ZNF521: variants seen among roughly 807,000 people sequenced by gnomAD.
The protein encoded by ZNF521 is zinc finger protein 521, also known as LYST-interacting protein 3.
ZNF521 carries 14 observed loss-of-function variants against 105.5 expected under a neutral mutation model. That is an observed-to-expected ratio of 0.13 (90% confidence interval 0.09 to 0.21). The LOEUF (loss-of-function observed/expected upper bound fraction) is 0.21, where lower values mean the gene tolerates loss of function less well. Among genes scored for constraint, ZNF521 ranks in the 10% least tolerant of loss-of-function variants. ZNF521 has a pLI of 1.00. For missense variants in ZNF521, 1,233 were observed against 1,629.7 expected (o/e 0.76, Z 4.19); for synonymous variants, 635 against 606.0 (o/e 1.05, Z -0.70).
At position 25,079,396 on chromosome 18, in the gene ZNF521, C is replaced by A. The variant is rs550906389; in HGVS notation, c.3906+10069G>T. On this transcript the variant is annotated intron_variant, in intron 7 of 7. Coordinates refer to ENST00000361524, the MANE Select transcript of ZNF521 (RefSeq NM_015461.3). ...TCATCGATGATTAGCAGCACAGCCT[C>A]GGCTCTCGGAGTCAGCGACGGGTTT... 2.0e-3 allele frequency among the ~76,000 whole-genome samples: 307 copies of A among 152,278 alleles called. 1 individual carries two copies. Among genetic ancestry groups the A allele is most frequent in the African/African-American group, 6.6e-3 (276 of 41,560 alleles).
intron 7 of ZNF521, among the ~76,000 whole-genome samples, chr18:25,077,292 C>G (rs1007977903): frequency 6.6e-6 from 1 of 152,128 alleles, no homozygotes; most frequent in Non-Finnish European, 1.5e-5. Context: ...TCTGCCTTCC[C>G]GTTCCCCTTA....
chr18:25,237,594 T>C (rs1907000786), intron 3 of ZNF521, among the ~76,000 whole-genome samples: 1 of 152,060 alleles, frequency 6.6e-6, no homozygotes, highest in Non-Finnish European at 1.5e-5. Context: ...AACAAAATAA[T>C]GTATAAGAAA....
At chr18:25,273,959 TATC>T (rs1333166219) in intron 3 of ZNF521, among the ~76,000 whole-genome samples, 1 of 152,148 alleles carries the variant, frequency 6.6e-6, no homozygotes, top group Admixed American at 6.5e-5. Flanking sequence ...AGTTCAGAGG[TATC>T]ATCTCACAGA....
chr18:25,149,208 C>A (rs569608759), intron 5 of ZNF521, among the ~76,000 whole-genome samples: 2 of 152,072 alleles, frequency 1.3e-5, no homozygotes, highest in Non-Finnish European at 2.9e-5. Context: ...ACCCTCCATG[C>A]GGTATGAAGG....
chr18:25,328,296 T>C (rs1913348877), intron 2 of ZNF521, among the ~76,000 whole-genome samples: 1 of 152,078 alleles, frequency 6.6e-6, no homozygotes, highest in Non-Finnish European at 1.5e-5. Flanking sequence ...ACAGATGTAC[T>C]GTTATCAAGG....
intron 7 of ZNF521, among the ~76,000 whole-genome samples, chr18:25,083,931 A>ATTTTTT (rs56364504): frequency 2.1e-4 from 12 of 57,888 alleles, no homozygotes; most frequent in Non-Finnish European, 2.4e-4. Flanking sequence ...AACCTGGGTA[A>ATTTTTT]TTTTTTTTTT....
intron 4 of ZNF521, among the ~76,000 whole-genome samples, chr18:25,200,754 A>G (rs2035978982): frequency 6.6e-6 from 1 of 152,122 alleles, no homozygotes; most frequent in African/African-American, 2.4e-5. Flanking sequence ...AGTTTATCCT[A>G]TCTAGCAAAG....
At chr18:25,154,335 G>T (rs1171679500) in intron 5 of ZNF521, among the ~76,000 whole-genome samples, 1 of 152,082 alleles carries the variant, frequency 6.6e-6, no homozygotes, top group Non-Finnish European at 1.5e-5. Flanking sequence ...AATTACCAAG[G>T]TTTATACAAG....
chr18:25,168,379 C>A (rs1261435024), intron 5 of ZNF521, among the ~76,000 whole-genome samples: 1 of 152,136 alleles, frequency 6.6e-6, no homozygotes, highest in Non-Finnish European at 1.5e-5. Flanking sequence ...CTCTTCAACC[C>A]TTTTCTCCCG....
intron 5 of ZNF521, among the ~76,000 whole-genome samples, chr18:25,109,308 A>G (rs891000056): frequency 1.3e-5 from 2 of 152,188 alleles, no homozygotes; most frequent in Admixed American, 6.5e-5. Context: ...ATGGCTGCAT[A>G]GTATTCCATG....
intron 5 of ZNF521, among the ~76,000 whole-genome samples, chr18:25,147,233 T>C (rs917265751): frequency 1.1e-3 from 1 of 878 alleles, no homozygotes; most frequent in Non-Finnish European, 0.016. Context: ...AACCAGTCAT[T>C]AACAAGGGTC....
At chr18:25,330,444 G>C (rs910941332) in intron 2 of ZNF521, among the ~76,000 whole-genome samples, 1 of 151,844 alleles carries the variant, frequency 6.6e-6, no homozygotes. Flanking sequence ...GATTACAGGC[G>C]TGAGCCACCA....
chr18:25,234,849 CAAAA>C (rs1906774500), intron 3 of ZNF521, among the ~76,000 whole-genome samples: 1 of 150,966 alleles, frequency 6.6e-6, no homozygotes, highest in South Asian at 2.1e-4. Context: ...TAAAAATAAA[CAAAA>C]ATAAAGAACT....
Position 25,226,253 on chromosome 18 carries a change from T to C in ZNF521, c.1665A>G (p.Pro555=). Residue 555 remains proline (P), a synonymous_variant, in exon 4 of 8, where the codon CCA becomes CCG. Transcript: ENST00000361524. The surrounding 1 kb of genome is among the most constrained non-coding windows in gnomAD (Gnocchi z 4.1). ...GSPVLGTPKE[P]VVEVYSCSYC... is the part of the protein sequence containing the mutation. ...AGGAACAAGAATAGACTTCTACTACTGGTTCTTTGGGAGTCCCAAGCACTG... is the reference window on the plus strand; with the variant it reads ...AGGAACAAGAATAGACTTCTACTACCGGTTCTTTGGGAGTCCCAAGCACTG... The C allele has an allele frequency of 1.2e-6, 2 of 1,614,208 alleles. No homozygotes were observed. The highest frequency in any genetic ancestry group is 1.1e-5 in the South Asian group (1 of 91,086).
At chr18:25,286,867 C>A (rs559811233) in intron 3 of ZNF521, among the ~76,000 whole-genome samples, 10 of 152,266 alleles carry the variant, frequency 6.6e-5, no homozygotes, top group Admixed American at 5.9e-4. Context: ...CTCGGACTCC[C>A]TGGACTGAGG....
At chr18:25,065,624 C>A (rs973482975) in intron 7 of ZNF521, among the ~76,000 whole-genome samples, 3 of 150,754 alleles carry the variant, frequency 2.0e-5, no homozygotes, top group African/African-American at 7.3e-5. Context: ...GTGTTTTTTT[C>A]TTCTTACCAA....
rs2034476736 is a variant in ZNF521 at position 25,123,150 on chromosome 18, G to C, written c.3659-31069C>G. ...TACTTACAAATGACTCATTATATGAGTCATTTGTAAGTACAGATAATTATT... is the reference window on the plus strand; with the variant it reads ...TACTTACAAATGACTCATTATATGACTCATTTGTAAGTACAGATAATTATT... On this transcript the variant is annotated intron_variant, in intron 5 of 7. Coordinates refer to ENST00000361524, the MANE Select transcript of ZNF521 (RefSeq NM_015461.3). 7.3e-5 allele frequency among the ~76,000 whole-genome samples: 11 copies of C among 151,616 alleles called. No homozygotes were observed. The South Asian group carries it at 2.3e-3, about 32-fold the overall frequency.
At position 25,263,328 on chromosome 18, in the gene ZNF521, G is replaced by GA. The variant is rs553238795; in HGVS notation, c.221-35632dup. Among the ~76,000 whole-genome samples, 1,387 of 146,826 alleles carry GA rather than the reference G, an allele frequency of 9.4e-3. 24 individuals are homozygous for GA. The highest frequency in any genetic ancestry group is 0.032 in the African/African-American group (1,283 of 40,236). ...CAGTATCACAGTTACTCTGATTGAT[G>GA]AAAAAAAAAAGTTAGGTCAATAACT... is the stretch of plus-strand genomic sequence containing the variant. On this transcript the variant is annotated intron_variant, in intron 3 of 7. Coordinates refer to ENST00000361524, the MANE Select transcript of ZNF521 (RefSeq NM_015461.3).
intron 3 of ZNF521, among the ~76,000 whole-genome samples, chr18:25,265,655 C>A (rs1909199520): frequency 6.6e-6 from 1 of 152,108 alleles, no homozygotes; most frequent in African/African-American, 2.4e-5. Context: ...CCTCAAGAAA[C>A]TAAAAATAGA....
Sources: allele counts gnomAD v4.1 joint callset (sites outside exome capture counted in the v4.1 genomes callset), GRCh38; gene constraint gnomAD v4.1.1; non-coding constraint Gnocchi (gnomAD v3.1); transcripts MANE v1.5; gene names NCBI Gene and HGNC (gene_info 2026-07-23, HGNC 2026-07-21).